MS4A8: variants seen among roughly 807,000 people sequenced by gnomAD.
MS4A8 encodes the protein membrane spanning 4-domains A8.
Under a neutral mutation model 23.7 loss-of-function variants are expected in MS4A8, and 27 were observed. The observed-to-expected ratio is 1.14, with a 90% CI of 0.84 to 1.57. The LOEUF (loss-of-function observed/expected upper bound fraction) is 1.57. Among genes scored for constraint, MS4A8 ranks in the 40% most tolerant of loss-of-function variants. MS4A8 has a pLI of 0.00. For synonymous variants in MS4A8, 138 were observed against 126.3 expected, an observed-to-expected ratio of 1.09 and a Z score of -0.62; for missense variants, 301 against 311.4, an observed-to-expected ratio of 0.97 and a Z score of 0.25.
intron 5 of MS4A8, among the ~76,000 whole-genome samples, chr11:60,710,090 C>G (rs1410606684): frequency 6.6e-6 from 1 of 152,224 alleles, no homozygotes; most frequent in Non-Finnish European, 1.5e-5. Flanking sequence ...TCCACCCTCA[C>G]TGGTTGCCCT....
chr11:60,701,247 G>A, intron 2 of MS4A8, 168 bp downstream of exon 2: 1 of 722,898 alleles, frequency 1.4e-6, no homozygotes, highest in Admixed American at 2.0e-5. Flanking sequence ...CAACATCACA[G>A]GCGGCCTCTG....
chr11:60,710,695 T>C (rs1341924927), intron 5 of MS4A8, among the ~76,000 whole-genome samples: 1 of 151,996 alleles, frequency 6.6e-6, no homozygotes, highest in African/African-American at 2.4e-5. Flanking sequence ...TCCCATCACT[T>C]CTCTGCTGGC....
chr11:60,704,812 C>CCACACACACA (rs759471971), intron 3 of MS4A8, among the ~76,000 whole-genome samples: 1 of 139,036 alleles, frequency 7.2e-6, no homozygotes, highest in African/African-American at 2.8e-5. Context: ...GTCCCCCTGC[C>CCACACACACA]CACACACACA....
Position 60,715,121 on chromosome 11 carries a change from G to A in MS4A8, c.635G>A (p.Cys212Tyr). 1.2e-6 allele frequency: 2 copies of A among 1,613,632 alleles called. No homozygotes were observed. Among genetic ancestry groups the A allele is most frequent in the Non-Finnish European group, 8.5e-7 (1 of 1,179,570 alleles). The change falls in exon 6 of 7, where the codon TGT (cysteine) becomes TAT (tyrosine). Residue 212 changes from cysteine (C) to tyrosine (Y), a missense_variant. Coordinates refer to ENST00000300226, the MANE Select transcript of MS4A8 (RefSeq NM_031457.2). Reference sequence around the variant, plus strand: ...CACTTTGGCTGCCAGTTGGTCTGCTGTCAATCAAGCAATGTGAGTCCCAGG... The same window carrying A: ...CACTTTGGCTGCCAGTTGGTCTGCTATCAATCAAGCAATGTGAGTCCCAGG... ...SSHFGCQLVC[C>Y]QSSNVSVIYP...
intron 1 of MS4A8, among the ~76,000 whole-genome samples, chr11:60,700,245 C>G (rs964846216): frequency 4.6e-5 from 7 of 152,184 alleles, no homozygotes; most frequent in Admixed American, 2.0e-4. Flanking sequence ...TGCAAAGCAG[C>G]ACTCTAAACA....
chr11:60,707,533 G>A (rs1183313456), intron 4 of MS4A8, among the ~76,000 whole-genome samples: 1 of 152,216 alleles, frequency 6.6e-6, no homozygotes, highest in Non-Finnish European at 1.5e-5. Flanking sequence ...ACAAAGCTTT[G>A]TGCTCCCCTA....
chr11:60,708,152 A>G (rs375923694), intron 4 of MS4A8, among the ~76,000 whole-genome samples: 12 of 152,208 alleles, frequency 7.9e-5, no homozygotes, highest in East Asian at 3.9e-4. Context: ...CCAGCCCCAA[A>G]GATTATTCTT....
intron 2 of MS4A8, chr11:60,703,035 A>G (rs2088218092): frequency 5.8e-6 from 1 of 172,360 alleles, no homozygotes; most frequent in South Asian, 1.7e-4. Flanking sequence ...CAGACCATCC[A>G]TAATGGGATC....
intron 3 of MS4A8, among the ~76,000 whole-genome samples, chr11:60,704,168 T>C (rs1353909805): frequency 6.7e-6 from 1 of 148,312 alleles, no homozygotes; most frequent in Non-Finnish European, 1.5e-5. Context: ...TCGCCCAAGC[T>C]GGAGCGCAGT....
At chr11:60,699,818 A>ATAAGGTTTTTCTACCAAGTGAGACT (rs2088186174) in intron 1 of MS4A8, 43 bp downstream of exon 1, 1 of 152,382 alleles carries the variant, frequency 6.6e-6, no homozygotes. Context: ...GGAGTTGGTG[A>ATAAGGTTTTTCTACCAAGTGAGACT]TAAGGTTTTT....
intron 2 of MS4A8, 24 bp from the exon 3 acceptor site, chr11:60,703,354 T>C: frequency 1.3e-6 from 2 of 1,518,902 alleles, no homozygotes; most frequent in Non-Finnish European, 1.8e-6. Flanking sequence ...GAAACAAGAC[T>C]TCAGCTTGTG....
chr11:60,708,412 A>G (rs1243005119), intron 4 of MS4A8, among the ~76,000 whole-genome samples: 4 of 152,226 alleles, frequency 2.6e-5, no homozygotes, highest in Admixed American at 6.5e-5. Context: ...ATTAAGAAAC[A>G]CTTTTTGATG....
intron 5 of MS4A8, 111 bp from the exon 6 acceptor site, chr11:60,714,910 G>A (rs1565054485): frequency 1.3e-6 from 1 of 759,398 alleles, no homozygotes; most frequent in South Asian, 1.4e-5. Flanking sequence ...GGCTGAGAGA[G>A]GATAGGGGAC....
At chr11:60,700,432 G>A (rs1045815775) in intron 1 of MS4A8, among the ~76,000 whole-genome samples, 1 of 152,178 alleles carries the variant, frequency 6.6e-6, no homozygotes, top group African/African-American at 2.4e-5. Context: ...TGTAATCCCA[G>A]ATACTCAGGA....
rs2088223173 is a variant in MS4A8 at position 60,703,393 on chromosome 11, A to C, written c.235A>C (p.Ile79Leu). 1 of 1,591,038 alleles carries C rather than the reference A, an allele frequency of 6.3e-7. No individual in the cohort carries two copies. Among genetic ancestry groups the C allele is most frequent in the African/African-American group, 1.4e-5 (1 of 73,286 alleles). The change falls in exon 3 of 7, where the codon ATT (isoleucine) becomes CTT (leucine). Residue 79 changes from isoleucine (I) to leucine (L), a missense_variant. Coordinates refer to ENST00000300226, the MANE Select transcript of MS4A8 (RefSeq NM_031457.2). ...GKTLGAIQII[I>L]GLAHIGLGSI... ...CTCCTGACAGGCCATCCAGATCATC[A>C]TTGGCCTGGCTCACATCGGCCTCGG...
intron 2 of MS4A8, among the ~76,000 whole-genome samples, chr11:60,702,750 C>A (rs1371782594): frequency 2.6e-5 from 4 of 152,184 alleles, no homozygotes; most frequent in Non-Finnish European, 5.9e-5. Flanking sequence ...GAGACCCACT[C>A]TACTCCAGTG....
intron 2 of MS4A8, chr11:60,703,162 A>G: frequency 2.4e-6 from 1 of 416,670 alleles, no homozygotes; most frequent in Non-Finnish European, 4.1e-6. Flanking sequence ...CAAGGTATAT[A>G]TTTGAAAAGA....
chr11:60,706,883 T>C (rs2088260030), intron 3 of MS4A8, 105 bp from the exon 4 acceptor site: 1 of 936,160 alleles, frequency 1.1e-6, no homozygotes, highest in Non-Finnish European at 1.7e-6. Flanking sequence ...GTTGAGCTGA[T>C]GGTTCCAGCA....
chr11:60,700,881 A>C lies in MS4A8; in HGVS notation c.21A>C (p.Ala7=), dbSNP rs768808826. 6.2e-7 allele frequency: 1 copy of C among 1,614,216 alleles called. No homozygotes were observed. Among genetic ancestry groups the C allele is most frequent in the Non-Finnish European group, 8.5e-7 (1 of 1,180,040 alleles). Residue 7 remains alanine (A), a synonymous_variant, in exon 2 of 7, where the codon GCA becomes GCC. Transcript: ENST00000300226. ...GCAGCATGAATTCGATGACTTCAGCAGTTCCGGTGGCCAATTCTGTGTTGG... is the reference window on the plus strand; with the variant it reads ...GCAGCATGAATTCGATGACTTCAGCCGTTCCGGTGGCCAATTCTGTGTTGG... MNSMTS[A]VPVANSVLVV... is the part of the protein sequence containing the mutation.
Sources: gnomAD v4.1 joint callset for allele counts (sites outside exome capture counted in the v4.1 genomes callset) on GRCh38, gnomAD v4.1.1 for gene constraint, MANE v1.5 for transcripts, NCBI Gene and HGNC (gene_info 2026-07-23, HGNC 2026-07-21) for gene names.